PCDHGA1: variants seen among roughly 807,000 people sequenced by gnomAD.
The protein encoded by PCDHGA1 is protocadherin gamma subfamily A, 1, also known as protocadherin gamma-A1.
PCDHGA1 carries 32 observed loss-of-function variants against 58.0 expected under a neutral mutation model. The ratio of observed to expected loss-of-function variants is 0.55; its 90% CI spans 0.42 to 0.74. The LOEUF (loss-of-function observed/expected upper bound fraction) is 0.74. PCDHGA1 is among the 30% of genes least tolerant of loss of function. The pLI, the probability that PCDHGA1 is intolerant of heterozygous loss-of-function variation, is 0.00. For synonymous variants in PCDHGA1, 498 were observed against 501.1 expected (o/e 0.99, Z 0.08); for missense variants, 1,205 against 1,182.3 (o/e 1.02, Z -0.28).
Position 141,438,593 on chromosome 5 carries a change from T to TAC in PCDHGA1, c.2422-56213_2422-56212insCA, listed in dbSNP as rs1414976871. Reference sequence around the variant, plus strand: ...TGATATACATACATACATACATACATATATATATATATATATATATATATA... The same window carrying TAC: ...TGATATACATACATACATACATACATACATATATATATATATATATATATATA... On this transcript the variant is annotated intron_variant, in intron 1 of 3. Transcript: ENST00000517417. Among the ~76,000 whole-genome samples the TAC allele has an allele frequency of 1.6e-3, 115 of 73,944 alleles. 1 individual carries two copies. The highest frequency in any genetic ancestry group is 2.9e-3 in the African/African-American group (63 of 21,786). The allele number at this position is 73,944 out of a possible 152,430, so 48.5% of individuals were successfully genotyped here. A position where few individuals can be genotyped will look rare whatever the true frequency, so the allele number is the denominator to read the frequency against.
In PCDHGA1 at chr5:141,358,705, T is replaced by G. The variant is rs1488678526; in HGVS notation, c.2421+25600T>G. On this transcript the variant is annotated intron_variant, in intron 1 of 3. Transcript: ENST00000517417. Reference sequence around the variant, plus strand: ...TATCATGACATCACTATTGAGACTTTCTTGATTTCCAAGGAAAATATAAGT... The same window carrying G: ...TATCATGACATCACTATTGAGACTTGCTTGATTTCCAAGGAAAATATAAGT... Among the ~76,000 whole-genome samples, 3 of 152,360 alleles carry G rather than the reference T, an allele frequency of 2.0e-5. No individual in the cohort carries two copies. In the East Asian group the frequency reaches 5.8e-4, roughly 29 times the overall value.
At chr5:141,467,103 AGTACAATG>A (rs1438695307) in intron 1 of PCDHGA1, among the ~76,000 whole-genome samples, 1 of 147,462 alleles carries the variant, frequency 6.8e-6, no homozygotes, top group East Asian at 2.0e-4. Flanking sequence ...CACAGGCTGG[AGTACAATG>A]GTGCAATCTC....
intron 1 of PCDHGA1, chr5:141,372,659 T>A: frequency 6.2e-7 from 1 of 1,614,058 alleles, no homozygotes; most frequent in Non-Finnish European, 8.5e-7. Context: ...ACAATCCGTG[T>A]GCTGCCTCAC....
chr5:141,470,016 C>T (rs116065751), intron 1 of PCDHGA1, among the ~76,000 whole-genome samples: 69 of 152,264 alleles, frequency 4.5e-4, no homozygotes, highest in Non-Finnish European at 7.2e-4. Flanking sequence ...GTAATCCCAG[C>T]TACTCGGGAT....
intron 1 of PCDHGA1, among the ~76,000 whole-genome samples, chr5:141,445,793 CAG>C (rs1466260011): frequency 6.6e-6 from 1 of 152,132 alleles, no homozygotes; most frequent in Admixed American, 6.5e-5. Context: ...AGGCTAGAAA[CAG>C]AAAATAAATA....
intron 1 of PCDHGA1, chr5:141,478,150 C>T (rs569939900): frequency 6.2e-7 from 1 of 1,614,086 alleles, no homozygotes; most frequent in African/African-American, 1.3e-5. Flanking sequence ...CCGAGTTCCC[C>T]TCTGGCTCTG....
At chr5:141,394,742 G>A (rs752402821) in intron 1 of PCDHGA1, 5 of 1,613,300 alleles carry the variant, frequency 3.1e-6, no homozygotes, top group African/African-American at 1.3e-5. Flanking sequence ...AGAGCCTCGT[G>A]GTGGCCGTCC....
rs1009141449 is a variant in PCDHGA1, at chr5:141,491,922, G to A, written c.2422-2885G>A. 2 of 1,349,026 alleles carry A rather than the reference G, an allele frequency of 1.5e-6. No individual in the cohort carries two copies. Among genetic ancestry groups the A allele is most frequent in the African/African-American group, 1.5e-5 (1 of 67,598 alleles). The allele number at this position is 1,349,026 out of a possible 1,614,324, so 83.6% of individuals were successfully genotyped here. On this transcript the variant is annotated intron_variant, in intron 1 of 3. Coordinates refer to ENST00000517417, the MANE Select transcript of PCDHGA1 (RefSeq NM_018912.3). The surrounding 1 kb of genome is among the most constrained non-coding windows in gnomAD (Gnocchi z 6.9). ...CGGGGGTGGTGGCGACTGTGGGCGAGGGGAGGTGGGACCGACCCCCACCCC... is the reference window on the plus strand; with the variant it reads ...CGGGGGTGGTGGCGACTGTGGGCGAAGGGAGGTGGGACCGACCCCCACCCC...
At position 141,383,548 on chromosome 5, in the gene PCDHGA1, G is replaced by A. The variant is rs768977528; in HGVS notation, c.2421+50443G>A. 33 of 1,612,508 alleles carry A rather than the reference G, an allele frequency of 2.0e-5. 1 individual carries two copies. In the Admixed American group the frequency reaches 2.3e-4, roughly 11 times the overall value. ...CCACCTGGTCCTCACAGCCTCTGATGGCGGCGACCCGCCCCGATCCAGCAC... is the reference window on the plus strand; with the variant it reads ...CCACCTGGTCCTCACAGCCTCTGATAGCGGCGACCCGCCCCGATCCAGCAC... On this transcript the variant is annotated intron_variant, in intron 1 of 3. Coordinates refer to ENST00000517417, the MANE Select transcript of PCDHGA1 (RefSeq NM_018912.3).
chr5:141,404,746 A>T (rs1219726027), intron 1 of PCDHGA1: 2 of 1,613,308 alleles, frequency 1.2e-6, no homozygotes, highest in Admixed American at 3.3e-5. Flanking sequence ...ACAGAGACTC[A>T]GGCCAGAATG....
intron 1 of PCDHGA1, among the ~76,000 whole-genome samples, chr5:141,462,897 G>A (rs2099049236): frequency 6.6e-6 from 1 of 152,130 alleles, no homozygotes; most frequent in South Asian, 2.1e-4. Context: ...TGTTTTGGAA[G>A]GCTATTATGT....
chr5:141,504,315 A>G (rs573050088), intron 2 of PCDHGA1, among the ~76,000 whole-genome samples: 1 of 152,248 alleles, frequency 6.6e-6, no homozygotes, highest in East Asian at 1.9e-4. Flanking sequence ...AGTTTCTAAA[A>G]GTCTCACTTA....
chr5:141,502,518 T>C (rs1388007900), intron 2 of PCDHGA1, among the ~76,000 whole-genome samples: 1 of 152,184 alleles, frequency 6.6e-6, no homozygotes, highest in Non-Finnish European at 1.5e-5. Flanking sequence ...CCACTATCAG[T>C]GATGCCGAGT....
At chr5:141,501,290 TACACACACACACACAC>T (rs55762287) in intron 2 of PCDHGA1, among the ~76,000 whole-genome samples, 7 of 136,164 alleles carry the variant, frequency 5.1e-5, no homozygotes, top group South Asian at 2.4e-4. Context: ...TATTCCCTTA[TACACACACACACACAC>T]ACACACACAC....
At chr5:141,389,387 C>T in intron 1 of PCDHGA1, 1 of 1,613,724 alleles carries the variant, frequency 6.2e-7, no homozygotes, top group Non-Finnish European at 8.5e-7. Context: ...AGCTGTCATC[C>T]TACGTGTCCA....
intron 1 of PCDHGA1, among the ~76,000 whole-genome samples, chr5:141,472,030 G>A (rs2099269943): frequency 6.6e-6 from 1 of 152,030 alleles, no homozygotes; most frequent in African/African-American, 2.4e-5. Flanking sequence ...TATGTAGAAA[G>A]CTGTGAAAAG....
chr5:141,339,727 G>C, intron 1 of PCDHGA1: 2 of 1,614,092 alleles, frequency 1.2e-6, no homozygotes, highest in South Asian at 2.2e-5. Context: ...TAAGCATTCC[G>C]GAGAATACGC....
Position 141,393,873 on chromosome 5 carries a change from A to G in PCDHGA1, c.2421+60768A>G, listed in dbSNP as rs759255236. The G allele has an allele frequency of 1.9e-6, 3 of 1,613,916 alleles. No individual in the cohort carries two copies. In the Admixed American group the frequency reaches 5.0e-5, roughly 27 times the overall value. On this transcript the variant is annotated intron_variant, in intron 1 of 3. Coordinates refer to ENST00000517417, the MANE Select transcript of PCDHGA1 (RefSeq NM_018912.3). ...AGAAGTGATCATTACGTCTTTGTTT[A>G]GCCCAGTGTTAGAAAATTCTCTTCC...
In PCDHGA1 at chr5:141,344,332, C is replaced by T. The variant is rs752621108; in HGVS notation, c.2421+11227C>T. The T allele has an allele frequency of 1.5e-5, 25 of 1,613,942 alleles. No individual in the cohort carries two copies. In the African/African-American group the frequency reaches 2.3e-4, roughly 15 times the overall value. The stretch of plus-strand genomic sequence containing the variant: ...CGGGAGGAGCTCTGCGCTCAGATCC[C>T]GCTGTGTCTGGTAAAAATTAACATT... On this transcript the variant is annotated intron_variant, in intron 1 of 3. Coordinates refer to ENST00000517417, the MANE Select transcript of PCDHGA1 (RefSeq NM_018912.3).
Sources: allele counts gnomAD v4.1 joint callset (sites outside exome capture counted in the v4.1 genomes callset), GRCh38; gene constraint gnomAD v4.1.1; non-coding constraint Gnocchi (gnomAD v3.1); transcripts MANE v1.5; gene names NCBI Gene and HGNC (gene_info 2026-07-23, HGNC 2026-07-21).